Variants in RABGAP1L observed in about 807,000 individuals in gnomAD.
The protein encoded by RABGAP1L is rab GTPase-activating protein 1-like.
In RABGAP1L, 63 loss-of-function variants were observed where a neutral mutation model predicts 137.7. The observed-to-expected ratio is 0.46, with a 90% CI of 0.37 to 0.56. The LOEUF (loss-of-function observed/expected upper bound fraction) is 0.56. Among genes scored for constraint, RABGAP1L ranks in the 20% least tolerant of loss-of-function variants. The pLI is 0.00. For synonymous variants in RABGAP1L, 431 were observed against 433.7 expected, an observed-to-expected ratio of 0.99 and a Z score of 0.08; for missense variants, 1,095 against 1,244.0, an observed-to-expected ratio of 0.88 and a Z score of 1.80.
At chr1:174,890,128 T>C (rs1655876204) in intron 19 of RABGAP1L, among the ~76,000 whole-genome samples, 1 of 152,244 alleles carries the variant, frequency 6.6e-6, no homozygotes, top group South Asian at 2.1e-4. Context: ...TCATTTAACA[T>C]GTATACCTCC....
intron 18 of RABGAP1L, among the ~76,000 whole-genome samples, chr1:174,796,413 T>A (rs1688245807): frequency 6.6e-6 from 1 of 152,236 alleles, no homozygotes; most frequent in South Asian, 2.1e-4. Context: ...AAATGAGTGA[T>A]GCTTTTAGGG....
intron 14 of RABGAP1L, among the ~76,000 whole-genome samples, chr1:174,656,255 G>A (rs1038684353): frequency 2.6e-5 from 4 of 152,114 alleles, no homozygotes; most frequent in African/African-American, 9.7e-5. Context: ...TCAGGAGTTC[G>A]AGACCAGCCT....
At chr1:174,534,775 C>CAAAAAAAAAAAAAAAAAAAAAAA (rs71117567) in intron 13 of RABGAP1L, among the ~76,000 whole-genome samples, 22 of 71,620 alleles carry the variant, frequency 3.1e-4, no homozygotes, top group Non-Finnish European at 3.8e-4. Context: ...ACTCTGTCTC[C>CAAAAAAAAAAAAAAAAAAAAAAA]AAAAAAAAAA....
At chr1:174,596,838 T>C (rs1442507221) in intron 13 of RABGAP1L, among the ~76,000 whole-genome samples, 1 of 152,188 alleles carries the variant, frequency 6.6e-6, no homozygotes, top group African/African-American at 2.4e-5. Context: ...TATGTAGATG[T>C]GGTTCTTTTC....
chr1:174,799,235 T>A (rs1188239600), intron 18 of RABGAP1L, among the ~76,000 whole-genome samples: 1 of 152,216 alleles, frequency 6.6e-6, no homozygotes, highest in African/African-American at 2.4e-5. Context: ...CTTCCCAGAA[T>A]CCTGAAATGC....
intron 13 of RABGAP1L, among the ~76,000 whole-genome samples, chr1:174,531,441 A>G (rs890228398): frequency 6.6e-6 from 1 of 152,186 alleles, no homozygotes; most frequent in African/African-American, 2.4e-5. Context: ...TTTAGATAAA[A>G]ATAGGAAAAA....
chr1:174,728,219 T>A (rs1051264297), intron 17 of RABGAP1L, among the ~76,000 whole-genome samples: 12 of 152,264 alleles, frequency 7.9e-5, no homozygotes, highest in African/African-American at 2.9e-4. Context: ...TAAATTGCTT[T>A]AAATTTTTAC....
chr1:174,464,056 G>C (rs1008384936), intron 13 of RABGAP1L, among the ~76,000 whole-genome samples: 1 of 152,102 alleles, frequency 6.6e-6, no homozygotes, highest in South Asian at 2.1e-4. Flanking sequence ...CATTTACTAT[G>C]AGAAATGTTA....
intron 18 of RABGAP1L, among the ~76,000 whole-genome samples, chr1:174,782,733 A>C (rs1687107877): frequency 6.6e-6 from 1 of 152,210 alleles, no homozygotes. Flanking sequence ...AAGAATTCCT[A>C]AACCTAGCTG....
intron 13 of RABGAP1L, among the ~76,000 whole-genome samples, chr1:174,420,228 G>A (rs933294675): frequency 6.8e-6 from 1 of 147,004 alleles, no homozygotes; most frequent in Non-Finnish European, 1.5e-5. Flanking sequence ...TAAATGGATA[G>A]AGATGTAGCC....
chr1:174,404,890 G>T (rs1253078516), intron 13 of RABGAP1L, among the ~76,000 whole-genome samples: 1 of 152,136 alleles, frequency 6.6e-6, no homozygotes, highest in Admixed American at 6.5e-5. Context: ...TGCAAGAGTG[G>T]CCCATTTTAA....
At chr1:174,164,667 A>G (rs1414837048) in intron 1 of RABGAP1L, among the ~76,000 whole-genome samples, 1 of 152,196 alleles carries the variant, frequency 6.6e-6, no homozygotes, top group Non-Finnish European at 1.5e-5. Flanking sequence ...TTCCCTCCTC[A>G]TAGGTAGTTG....
chr1:174,790,560 G>A (rs1259648689), intron 18 of RABGAP1L, among the ~76,000 whole-genome samples: 4 of 151,962 alleles, frequency 2.6e-5, no homozygotes, highest in Non-Finnish European at 5.9e-5. Context: ...CTTGAACCCA[G>A]GAGGCAGAGG....
intron 11 of RABGAP1L, among the ~76,000 whole-genome samples, chr1:174,342,694 A>G (rs552044705): frequency 6.6e-6 from 1 of 151,372 alleles, no homozygotes; most frequent in Admixed American, 6.6e-5. Context: ...CAGATGTAAA[A>G]TGGACCATTC....
chr1:174,648,990 A>G (rs568015547), intron 14 of RABGAP1L, among the ~76,000 whole-genome samples: 1 of 152,204 alleles, frequency 6.6e-6, no homozygotes, highest in African/African-American at 2.4e-5. Context: ...TTGTTGGTTT[A>G]AAGTCTGTTT....
rs958909554 is a variant in RABGAP1L, at chr1:174,573,297, G to GTA, written c.1711-64065_1711-64064dup. ...ACTATATATGTTTATATGTATGTGT[G>GTA]TATATATATATATAATTTGTGTGTG... is the stretch of plus-strand genomic sequence containing the variant. On this transcript the variant is annotated intron_variant, in intron 13 of 25. Transcript: ENST00000681986. Among the ~76,000 whole-genome samples the GTA allele has an allele frequency of 1.8e-3, 267 of 149,408 alleles. 2 individuals are homozygous for GTA. Among genetic ancestry groups the GTA allele is most frequent in the East Asian group, 0.01 (53 of 5,106 alleles).
At chr1:174,356,861 G>A (rs567162759) in intron 11 of RABGAP1L, among the ~76,000 whole-genome samples, 2 of 152,126 alleles carry the variant, frequency 1.3e-5, no homozygotes, top group East Asian at 3.9e-4. Context: ...GCTAACACTT[G>A]GTACTACTGT....
At chr1:174,596,436 C>G (rs1018364101) in intron 13 of RABGAP1L, among the ~76,000 whole-genome samples, 4 of 152,158 alleles carry the variant, frequency 2.6e-5, no homozygotes, top group Admixed American at 2.6e-4. Flanking sequence ...TCTTTCACTT[C>G]TTTGGTTAAG....
intron 17 of RABGAP1L, among the ~76,000 whole-genome samples, chr1:174,735,742 G>T (rs1158907380): frequency 6.6e-6 from 1 of 151,906 alleles, no homozygotes; most frequent in Non-Finnish European, 1.5e-5. Context: ...TTCTGGTGAG[G>T]GCCACAGGAA....
Sources: allele counts gnomAD v4.1 joint callset (sites outside exome capture counted in the v4.1 genomes callset), GRCh38; gene constraint gnomAD v4.1.1; transcripts MANE v1.5; gene names NCBI Gene and HGNC (gene_info 2026-07-23, HGNC 2026-07-21).